CTNND2: variants seen among roughly 807,000 people sequenced by gnomAD.
CTNND2 encodes catenin delta 2.
CTNND2 carries 22 observed loss-of-function variants against 144.4 expected under a neutral mutation model. That is an observed-to-expected ratio of 0.15 (90% confidence interval 0.11 to 0.22). CTNND2 has a LOEUF of 0.22. CTNND2 is among the 10% of genes least tolerant of loss of function. The probability of loss-of-function intolerance (pLI) is 1.00; values close to 1 mark genes in which losing one functional copy is unlikely to be tolerated. For synonymous variants in CTNND2, 751 were observed against 695.6 expected, an observed-to-expected ratio of 1.08 and a Z score of -1.25; for missense variants, 1,353 against 1,618.8, an observed-to-expected ratio of 0.84 and a Z score of 2.82.
chr5:11,172,079 G>A lies in CTNND2; in HGVS notation c.1976-12320C>T, dbSNP rs76489318. On this transcript the variant is annotated intron_variant, in intron 11 of 21. Coordinates refer to ENST00000304623, the MANE Select transcript of CTNND2 (RefSeq NM_001332.4). ...TGACAAAAATGGCAATTACTTTCGC[G>A]CCATAATATTTCTCATGTGATCCAC... Among the ~76,000 whole-genome samples the A allele has an allele frequency of 4.5e-3, 679 of 152,178 alleles. 6 individuals carry two copies. Among genetic ancestry groups the A allele is most frequent in the African/African-American group, 0.016 (644 of 41,524 alleles).
chr5:11,742,109 T>TTGGG (rs2032369658), intron 1 of CTNND2, among the ~76,000 whole-genome samples: 1 of 152,020 alleles, frequency 6.6e-6, no homozygotes, highest in South Asian at 2.1e-4. Flanking sequence ...TGTATACTGC[T>TTGGG]TGGGTGATGG....
At chr5:11,872,556 A>ATGAT (rs1735223108) in intron 1 of CTNND2, among the ~76,000 whole-genome samples, 1 of 152,124 alleles carries the variant, frequency 6.6e-6, no homozygotes, top group Non-Finnish European at 1.5e-5. Flanking sequence ...TTGTTTCCTG[A>ATGAT]CTTTTTAATG....
At chr5:11,700,338 C>T (rs912118572) in intron 2 of CTNND2, among the ~76,000 whole-genome samples, 2 of 152,094 alleles carry the variant, frequency 1.3e-5, no homozygotes, top group Non-Finnish European at 2.9e-5. Context: ...TGCAGTGAGC[C>T]AAGATCATGC....
intron 1 of CTNND2, among the ~76,000 whole-genome samples, chr5:11,852,648 C>CT (rs1266734793): frequency 6.6e-6 from 1 of 152,200 alleles, no homozygotes; most frequent in Non-Finnish European, 1.5e-5. Context: ...TTGAAAACCT[C>CT]TAAGTTTCTG....
At chr5:11,558,421 A>G (rs1014409588) in intron 3 of CTNND2, among the ~76,000 whole-genome samples, 1 of 151,140 alleles carries the variant, frequency 6.6e-6, no homozygotes, top group African/African-American at 2.4e-5. Flanking sequence ...GCTGGAGTGC[A>G]GTGGCACAAT....
At chr5:11,777,496 T>A (rs1042965260) in intron 1 of CTNND2, among the ~76,000 whole-genome samples, 3 of 152,226 alleles carry the variant, frequency 2.0e-5, no homozygotes, top group Admixed American at 2.0e-4. Flanking sequence ...TTTTGTTGTT[T>A]CCAATCCTGG....
chr5:11,770,918 T>C (rs1789896368), intron 1 of CTNND2, among the ~76,000 whole-genome samples: 1 of 152,148 alleles, frequency 6.6e-6, no homozygotes, highest in Non-Finnish European at 1.5e-5. Context: ...GGGACTAGTT[T>C]CAGTTGCTTT....
intron 18 of CTNND2, among the ~76,000 whole-genome samples, chr5:10,999,428 C>T (rs918969037): frequency 7.2e-5 from 11 of 152,128 alleles, no homozygotes; most frequent in African/African-American, 2.7e-4. Flanking sequence ...TACCTTAGCT[C>T]TTCTTTGCAC....
intron 3 of CTNND2, among the ~76,000 whole-genome samples, chr5:11,459,018 C>T (rs1025562141): frequency 6.6e-6 from 1 of 152,014 alleles, no homozygotes; most frequent in African/African-American, 2.4e-5. Context: ...AATTTTCCCA[C>T]CTCAGCCTCC....
chr5:11,903,151 C>T lies in CTNND2; in HGVS notation c.37+666G>A. On this transcript the variant is annotated intron_variant, in intron 1 of 21. Transcript: ENST00000304623. The surrounding 1 kb of genome is among the most constrained non-coding windows in gnomAD (Gnocchi z 5.4). The stretch of plus-strand genomic sequence containing the variant: ...AATTTTGCATCGCTCATCTCCCATA[C>T]ACACGCACAGCCTTCCAAACCTGGC... 1 of 981,574 alleles carries T rather than the reference C, an allele frequency of 1.0e-6. No individual in the cohort carries two copies. 60.8% of individuals were successfully genotyped at this position (981,574 alleles called of 1,614,324 possible). A position where few individuals can be genotyped will look rare whatever the true frequency, so the allele number is the denominator to read the frequency against.
At chr5:11,214,359 C>A (rs928564716) in intron 10 of CTNND2, among the ~76,000 whole-genome samples, 3 of 151,798 alleles carry the variant, frequency 2.0e-5, no homozygotes, top group Non-Finnish European at 4.4e-5. Flanking sequence ...ATATAAATAC[C>A]TTTGTTTGTA....
At chr5:11,584,045 G>A (rs189133997) in intron 2 of CTNND2, among the ~76,000 whole-genome samples, 6 of 152,160 alleles carry the variant, frequency 3.9e-5, no homozygotes, top group East Asian at 1.9e-4. Flanking sequence ...CCCCCACCTC[G>A]GCAAGTAAAT....
chr5:11,580,981 C>G (rs1053734468), intron 2 of CTNND2, among the ~76,000 whole-genome samples: 1 of 152,176 alleles, frequency 6.6e-6, no homozygotes, highest in Non-Finnish European at 1.5e-5. Context: ...GCCTCTTCCA[C>G]AACTCAAAAC....
At chr5:11,742,123 C>T (rs1431147270) in intron 1 of CTNND2, among the ~76,000 whole-genome samples, 2 of 152,030 alleles carry the variant, frequency 1.3e-5, no homozygotes, top group South Asian at 4.2e-4. Context: ...GTGATGGGTG[C>T]ACCAAGATTT....
chr5:11,017,186 A>G (rs1285062842), intron 18 of CTNND2, among the ~76,000 whole-genome samples: 1 of 151,996 alleles, frequency 6.6e-6, no homozygotes, highest in East Asian at 1.9e-4. Flanking sequence ...TCCCCTCCTA[A>G]CCAAAAAGGA....
At chr5:11,431,603 C>T (rs1033378969) in intron 3 of CTNND2, among the ~76,000 whole-genome samples, 1 of 152,162 alleles carries the variant, frequency 6.6e-6, no homozygotes. Flanking sequence ...ACTCTGCTGA[C>T]AACCATGCTG....
intron 10 of CTNND2, among the ~76,000 whole-genome samples, chr5:11,208,710 T>A (rs528218988): frequency 2.6e-5 from 4 of 152,210 alleles, no homozygotes; most frequent in African/African-American, 9.6e-5. Flanking sequence ...GATCTACAAA[T>A]GGATATTTAT....
intron 3 of CTNND2, among the ~76,000 whole-genome samples, chr5:11,505,241 CA>C (rs1375113712): frequency 2.7e-5 from 4 of 150,606 alleles, no homozygotes; most frequent in African/African-American, 4.9e-5. Context: ...CAAATTGCTT[CA>C]CAAGTTAACT....
At chr5:11,658,267 T>C (rs981045960) in intron 2 of CTNND2, among the ~76,000 whole-genome samples, 2 of 152,080 alleles carry the variant, frequency 1.3e-5, no homozygotes, top group African/African-American at 2.4e-5. Context: ...TGTTGACTCA[T>C]GATCCATTGC....
Sources: allele counts gnomAD v4.1 joint callset (sites outside exome capture counted in the v4.1 genomes callset), GRCh38; gene constraint gnomAD v4.1.1; non-coding constraint Gnocchi (gnomAD v3.1); transcripts MANE v1.5; gene names NCBI Gene and HGNC (gene_info 2026-07-23, HGNC 2026-07-21).